Variants in TRAM1 observed in about 807,000 individuals in gnomAD.
The protein encoded by TRAM1 is translocation associated membrane protein 1.
Under a neutral mutation model 48.7 loss-of-function variants are expected in TRAM1, and 17 were observed. The observed-to-expected ratio is 0.35, with a 90% confidence interval of 0.24 to 0.52. TRAM1 has a LOEUF of 0.52. Ranked by LOEUF, TRAM1 falls within the 20% of genes least tolerant of loss-of-function variation. TRAM1 has a pLI of 0.94. For synonymous variants in TRAM1, 182 were observed against 154.0 expected (o/e 1.18, Z -1.34); for missense variants, 351 against 441.5 (o/e 0.79, Z 1.84).
Position 70,607,809 on chromosome 8 carries a change from G to T in TRAM1, c.123+268C>A, listed in dbSNP as rs893990059. ...CAGCCTGCGGGAGGGGGCGGCGGCG[G>T]GTCAGGAAGGGGGCGACGCGGCGGT... On this transcript the variant is annotated intron_variant, in intron 1 of 10. Coordinates refer to ENST00000262213, the MANE Select transcript of TRAM1 (RefSeq NM_014294.6). The T allele has an allele frequency of 1.3e-4, 36 of 284,390 alleles. No homozygotes were observed. The Middle Eastern group carries it at 3.0e-3, about 24-fold the overall frequency. 17.6% of individuals were successfully genotyped at this position (284,390 alleles called of 1,614,324 possible).
intron 1 of TRAM1, chr8:70,607,359 A>C (rs1463042659): frequency 1.3e-5 from 13 of 985,374 alleles, no homozygotes; most frequent in African/African-American, 1.7e-5. Flanking sequence ...TTTATCCATC[A>C]GACCTTGTTT....
chr8:70,592,179 C>T (rs1817380373), intron 6 of TRAM1, among the ~76,000 whole-genome samples: 1 of 152,124 alleles, frequency 6.6e-6, no homozygotes, highest in African/African-American at 2.4e-5. Flanking sequence ...TATTTTGAAT[C>T]TTCTCATGGG....
intron 1 of TRAM1, among the ~76,000 whole-genome samples, chr8:70,601,509 C>T (rs1817606716): frequency 6.6e-6 from 1 of 152,128 alleles, no homozygotes; most frequent in Admixed American, 6.5e-5. Context: ...TCTGTCTCGC[C>T]CATTAGAAAG....
At chr8:70,592,539 T>C (rs937298456) in intron 6 of TRAM1, among the ~76,000 whole-genome samples, 5 of 152,206 alleles carry the variant, frequency 3.3e-5, no homozygotes, top group Admixed American at 6.5e-5. Flanking sequence ...CCATAAAAAT[T>C]AGACTGCATT....
chr8:70,596,125 G>C (rs1019334145), intron 5 of TRAM1, 138 bp downstream of exon 5: 1 of 555,440 alleles, frequency 1.8e-6, no homozygotes, highest in Non-Finnish European at 3.0e-6. Flanking sequence ...TCTTACGGCA[G>C]TGGGACTGTC....
chr8:70,601,768 T>C (rs1817611298), intron 1 of TRAM1, among the ~76,000 whole-genome samples: 1 of 152,178 alleles, frequency 6.6e-6, no homozygotes, highest in Non-Finnish European at 1.5e-5. Context: ...AAATAAGGTT[T>C]GGTAAGCTAG....
At chr8:70,607,889 G>C (rs1817785274) in intron 1 of TRAM1, 188 bp downstream of exon 1, 4 of 628,842 alleles carry the variant, frequency 6.4e-6, no homozygotes, top group Non-Finnish European at 9.3e-6. Context: ...TCTCCGGGCC[G>C]GCCGCCGGGG....
chr8:70,606,409 T>C (rs920387019), intron 1 of TRAM1, among the ~76,000 whole-genome samples: 2 of 152,192 alleles, frequency 1.3e-5, no homozygotes, highest in Non-Finnish European at 2.9e-5. Context: ...TTGCCTAGGC[T>C]GGTCTCGAAC....
intron 1 of TRAM1, among the ~76,000 whole-genome samples, chr8:70,603,519 C>A (rs1234032271): frequency 6.6e-6 from 1 of 152,138 alleles, no homozygotes; most frequent in African/African-American, 2.4e-5. Context: ...GAGTTCAAGA[C>A]CAGCCTGGCC....
intron 1 of TRAM1, among the ~76,000 whole-genome samples, chr8:70,605,894 G>A (rs1817709065): frequency 6.6e-6 from 1 of 152,146 alleles, no homozygotes; most frequent in Non-Finnish European, 1.5e-5. Context: ...AGGTATAGGT[G>A]GTGGACTTCC....
intron 8 of TRAM1, among the ~76,000 whole-genome samples, chr8:70,584,445 G>A (rs1817159185): frequency 6.6e-6 from 1 of 152,162 alleles, no homozygotes. Context: ...CAATTAGGCA[G>A]GAGAAGGAAA....
chr8:70,583,590 A>C (rs909242682), intron 9 of TRAM1, 60 bp downstream of exon 9: 113 of 1,563,940 alleles, frequency 7.2e-5, no homozygotes, highest in Non-Finnish European at 8.7e-5. Flanking sequence ...CAATGTAGAG[A>C]AACTGATAAT....
At chr8:70,606,216 GTCT>G in intron 1 of TRAM1, among the ~76,000 whole-genome samples, 1 of 152,238 alleles carries the variant, frequency 6.6e-6, no homozygotes, top group Middle Eastern at 3.4e-3. Context: ...TTGAGACAGG[GTCT>G]TCTTGCTCTG....
intron 1 of TRAM1, chr8:70,606,786 G>A: frequency 1.6e-6 from 1 of 638,294 alleles, no homozygotes; most frequent in Non-Finnish European, 1.9e-6. Flanking sequence ...AAGCCCATTT[G>A]ATGAGAGGCG....
At chr8:70,577,506 A>AG (rs1178033634) in intron 10 of TRAM1, among the ~76,000 whole-genome samples, 9 of 152,348 alleles carry the variant, frequency 5.9e-5, no homozygotes, top group Admixed American at 5.2e-4. Flanking sequence ...GACTGTGGAT[A>AG]GGAGCTAACC....
At chr8:70,594,149 C>G (rs1817428802) in intron 6 of TRAM1, among the ~76,000 whole-genome samples, 1 of 151,950 alleles carries the variant, frequency 6.6e-6, no homozygotes, top group African/African-American at 2.4e-5. Flanking sequence ...TTTTGGCTCA[C>G]TTGTGAAATA....
At chr8:70,579,798 ATT>A (rs1047167815) in intron 10 of TRAM1, among the ~76,000 whole-genome samples, 4 of 152,196 alleles carry the variant, frequency 2.6e-5, no homozygotes. Flanking sequence ...AAGAGTATTC[ATT>A]TCTTATATTG....
intron 10 of TRAM1, among the ~76,000 whole-genome samples, chr8:70,582,032 G>C (rs1284535129): frequency 6.6e-6 from 1 of 152,160 alleles, no homozygotes; most frequent in African/African-American, 2.4e-5. Flanking sequence ...GAATTAGATA[G>C]TGGTTTGCAC....
chr8:70,607,152 G>A, intron 1 of TRAM1: 2 of 985,114 alleles, frequency 2.0e-6, no homozygotes, highest in Non-Finnish European at 2.4e-6. Context: ...CGTGTGTATT[G>A]GGGAGCGAGG....
Sources: gnomAD v4.1 joint callset for allele counts (sites outside exome capture counted in the v4.1 genomes callset) on GRCh38, gnomAD v4.1.1 for gene constraint, MANE v1.5 for transcripts, NCBI Gene and HGNC (gene_info 2026-07-23, HGNC 2026-07-21) for gene names.